Variants in DBX2 observed in about 807,000 individuals in gnomAD.
DBX2 encodes developing brain homeobox 2, also known as homeobox protein DBX2.
In DBX2, 16 loss-of-function variants were observed where a neutral mutation model predicts 17.7. That is an observed-to-expected ratio of 0.90 (90% confidence interval 0.61 to 1.37). The LOEUF is 1.37. DBX2 is among the 40% of genes most tolerant of loss of function. The probability of loss-of-function intolerance (pLI) is 0.00; values close to 1 mark genes in which losing one functional copy is unlikely to be tolerated. For missense variants in DBX2, 538 were observed against 433.8 expected, an observed-to-expected ratio of 1.24 and a Z score of -2.13; for synonymous variants, 255 against 183.8, an observed-to-expected ratio of 1.39 and a Z score of -3.13.
At position 45,050,889 on chromosome 12, in the gene DBX2, G is replaced by A. The variant is rs756426551; in HGVS notation, c.39C>T (p.Tyr13=). The A allele has an allele frequency of 3.3e-6, 5 of 1,522,618 alleles. No individual in the cohort carries two copies. The Admixed American group carries it at 6.6e-5, about 20-fold the overall frequency. The allele number at this position is 1,522,618 out of a possible 1,614,324, so 94.3% of individuals were successfully genotyped here. Residue 13 remains tyrosine (Y), a synonymous_variant, in exon 1 of 4, where the codon TAC becomes TAT. Coordinates refer to ENST00000332700, the MANE Select transcript of DBX2 (RefSeq NM_001004329.3). ...GCGCGGAGGAAGCCACAACGTCCCA[G>A]TACGCACCGGCGTGGGCTGCGACCG... ...PSAVAAHAGA[Y]WDVVASSALL... is the part of the protein sequence containing the mutation.
intron 2 of DBX2, 109 bp downstream of exon 2, chr12:45,035,910 A>G: frequency 9.8e-7 from 1 of 1,018,818 alleles, no homozygotes; most frequent in Non-Finnish European, 1.4e-6. Flanking sequence ...TTAGTGAGGA[A>G]TTAGCTCCTT....
intron 1 of DBX2, among the ~76,000 whole-genome samples, chr12:45,042,842 C>A (rs974709270): frequency 6.6e-6 from 1 of 152,148 alleles, no homozygotes; most frequent in Non-Finnish European, 1.5e-5. Flanking sequence ...ACAACACCAA[C>A]AAGTTGACAG....
At chr12:45,024,195 C>T (rs760406649) in intron 2 of DBX2, among the ~76,000 whole-genome samples, 1 of 152,278 alleles carries the variant, frequency 6.6e-6, no homozygotes, top group Middle Eastern at 3.4e-3. Context: ...TTGTGAGGGG[C>T]TTTTCCCCAC....
At chr12:45,046,023 T>A (rs1946498218) in intron 1 of DBX2, among the ~76,000 whole-genome samples, 1 of 152,204 alleles carries the variant, frequency 6.6e-6, no homozygotes, top group Admixed American at 6.5e-5. Flanking sequence ...TGTTTTATTA[T>A]TAAACCTCAA....
intron 1 of DBX2, among the ~76,000 whole-genome samples, chr12:45,045,868 C>T (rs746109549): frequency 1.4e-4 from 21 of 152,140 alleles, no homozygotes; most frequent in Admixed American, 7.9e-4. Flanking sequence ...CTAAATTCTA[C>T]GTTTAATTCT....
intron 2 of DBX2, among the ~76,000 whole-genome samples, chr12:45,031,869 C>G (rs954273069): frequency 1.3e-5 from 2 of 152,128 alleles, no homozygotes; most frequent in African/African-American, 2.4e-5. Context: ...TCTCCCCCTC[C>G]CCTATTCTTC....
chr12:45,036,074 G>A lies in DBX2; in HGVS notation c.444C>T (p.Tyr148=). 1.2e-6 allele frequency: 2 copies of A among 1,613,784 alleles called. No homozygotes were observed. The highest frequency in any genetic ancestry group is 1.7e-6 in the Non-Finnish European group (2 of 1,179,914). ...KPFLLSTPPF[Y]SACCGGSCRR... ...GACAGGACCCACCGCAGCACGCCGAGTAGAATGGCGGGGTGCTCAGAAGGA... is the reference window on the plus strand; with the variant it reads ...GACAGGACCCACCGCAGCACGCCGAATAGAATGGCGGGGTGCTCAGAAGGA... Residue 148 remains tyrosine (Y), a synonymous_variant, in exon 2 of 4, where the codon TAC becomes TAT. Transcript: ENST00000332700.
chr12:45,047,707 G>A (rs1946507409), intron 1 of DBX2, among the ~76,000 whole-genome samples: 1 of 152,110 alleles, frequency 6.6e-6, no homozygotes, highest in African/African-American at 2.4e-5. Context: ...GTGATACTAT[G>A]TAATTGGTGA....
At chr12:45,045,946 C>A (rs537985501) in intron 1 of DBX2, among the ~76,000 whole-genome samples, 1 of 152,260 alleles carries the variant, frequency 6.6e-6, no homozygotes, top group East Asian at 1.9e-4. Flanking sequence ...CCTCAAATCC[C>A]TAAAGGAATG....
intron 2 of DBX2, among the ~76,000 whole-genome samples, chr12:45,025,651 G>A (rs1047014644): frequency 6.6e-6 from 1 of 150,984 alleles, no homozygotes; most frequent in African/African-American, 2.4e-5. Context: ...CATAGCACCA[G>A]GAAGGCAGCT....
rs982602619 is a variant in DBX2, at chr12:45,015,796, G to A, written c.*490C>T. ...ATACCAAAAGAAGTCAGAAAATAGA[G>A]AATTTTTAAAAACATGTTTTTGGGG... On this transcript the variant is annotated 3_prime_UTR_variant, in exon 4 of 4. Transcript: ENST00000332700. 2 of 152,102 alleles carry A rather than the reference G, an allele frequency of 1.3e-5. No individual in the cohort carries two copies. The highest frequency in any genetic ancestry group is 4.8e-5 in the African/African-American group (2 of 41,390). 9.4% of individuals were successfully genotyped at this position (152,102 alleles called of 1,614,324 possible). A position where few individuals can be genotyped will look rare whatever the true frequency, so the allele number is the denominator to read the frequency against.
chr12:45,018,304 A>G (rs566923705), intron 3 of DBX2, among the ~76,000 whole-genome samples: 2 of 152,236 alleles, frequency 1.3e-5, no homozygotes, highest in Admixed American at 6.5e-5. Flanking sequence ...GCTTTTCTGT[A>G]TATCTATAAA....
intron 2 of DBX2, among the ~76,000 whole-genome samples, chr12:45,030,799 G>A (rs1311578360): frequency 6.6e-6 from 1 of 152,182 alleles, no homozygotes; most frequent in Non-Finnish European, 1.5e-5. Flanking sequence ...ACCTCTCAAG[G>A]CTTTTAGTAA....
chr12:45,043,845 T>G (rs1292533376), intron 1 of DBX2, among the ~76,000 whole-genome samples: 1 of 152,222 alleles, frequency 6.6e-6, no homozygotes, highest in African/African-American at 2.4e-5. Context: ...TTTTCCTGTA[T>G]CTTACCAGTG....
rs146769581 is a variant in DBX2 at position 45,028,016 on chromosome 12, A to C, written c.500-4122T>G. On this transcript the variant is annotated intron_variant, in intron 2 of 3. Transcript: ENST00000332700. ...TTAGGATGGTCAGCAAAGTAGGTCC[A>C]AGAGAGAGCAGCACCTAGAAGAACA... Among the ~76,000 whole-genome samples the C allele has an allele frequency of 8.3e-4, 126 of 152,262 alleles. 2 individuals carry two copies. The highest frequency in any genetic ancestry group is 2.8e-3 in the African/African-American group (115 of 41,568).
chr12:45,028,716 G>T (rs552931512), intron 2 of DBX2, among the ~76,000 whole-genome samples: 223 of 152,206 alleles, frequency 1.5e-3, no homozygotes, highest in African/African-American at 5.3e-3. Flanking sequence ...AGGGTCAAAG[G>T]GTTAACTACT....
At chr12:45,037,367 A>G (rs543042529) in intron 1 of DBX2, among the ~76,000 whole-genome samples, 15 of 152,288 alleles carry the variant, frequency 9.8e-5, no homozygotes, top group African/African-American at 3.6e-4. Flanking sequence ...TAAACAGTCA[A>G]AAAATTTTTT....
chr12:45,022,599 C>T (rs1244008446), intron 3 of DBX2, among the ~76,000 whole-genome samples: 4 of 152,040 alleles, frequency 2.6e-5, no homozygotes, highest in South Asian at 4.2e-4. Flanking sequence ...CCACCGCGCC[C>T]GGCCAATAAC....
chr12:45,024,678 T>C (rs1484932181), intron 2 of DBX2, among the ~76,000 whole-genome samples: 1 of 152,216 alleles, frequency 6.6e-6, no homozygotes, highest in African/African-American at 2.4e-5. Context: ...AAGACAGGTA[T>C]GTTTAATTGC....
Sources: allele counts gnomAD v4.1 joint callset (sites outside exome capture counted in the v4.1 genomes callset), GRCh38; gene constraint gnomAD v4.1.1; transcripts MANE v1.5; gene names NCBI Gene and HGNC (gene_info 2026-07-23, HGNC 2026-07-21).